Variants in CD163 observed in about 807,000 individuals in gnomAD.
CD163 encodes the protein CD163 molecule, also known as scavenger receptor cysteine-rich type 1 protein M130.
Under a neutral mutation model 129.2 loss-of-function variants are expected in CD163, and 64 were observed. The ratio of observed to expected loss-of-function variants is 0.50; its 90% CI spans 0.41 to 0.61. CD163 has a LOEUF of 0.61. Among genes scored for constraint, CD163 ranks in the 20% least tolerant of loss-of-function variants. CD163 has a pLI of 0.00. For missense variants in CD163, 1,061 were observed against 1,377.9 expected (o/e 0.77, Z 3.64); for synonymous variants, 446 against 478.5 (o/e 0.93, Z 0.89).
Position 7,486,791 on chromosome 12 carries a change from T to C in CD163, c.2166A>G (p.Val722=). 1 of 1,610,460 alleles carries C rather than the reference T, an allele frequency of 6.2e-7. No individual in the cohort carries two copies. Among genetic ancestry groups the C allele is most frequent in the Non-Finnish European group, 8.5e-7 (1 of 1,177,262 alleles). ...ACIESGQLRL[V]NGGGRCAGRV... ...TCCCAGCACAGCGACCTCCTCCATTTACCAGGCGAAGTTGACCACTCTCTG... is the reference window on the plus strand; with the variant it reads ...TCCCAGCACAGCGACCTCCTCCATTCACCAGGCGAAGTTGACCACTCTCTG... Residue 722 remains valine, a synonymous_variant, in exon 10 of 17, where the codon GTA becomes GTG. Transcript: ENST00000432237.
chr12:7,487,375 G>A lies in CD163; in HGVS notation c.2034C>T (p.Ala678=). 1 of 1,591,264 alleles carries A rather than the reference G, an allele frequency of 6.3e-7. No individual in the cohort carries two copies. Among genetic ancestry groups the A allele is most frequent in the Non-Finnish European group, 8.6e-7 (1 of 1,168,770 alleles). Reference sequence around the variant, plus strand: ...TCCTCTTACCTGAGCAGATTACAGAGGCCACTTGCTCTGAAGGACATAATG... The same window carrying A: ...TCCTCTTACCTGAGCAGATTACAGAAGCCACTTGCTCTGAAGGACATAATG... ...GASLCPSEQV[A]SVICSGNQSQ... The change falls in exon 8 of 17, where the codon GCC becomes GCT. Residue 678 remains alanine (A), a synonymous_variant. Transcript: ENST00000432237. This position sits in a 1 kb window ranked among gnomAD's most constrained non-coding sequence, Gnocchi z 5.1.
intron 16 of CD163, among the ~76,000 whole-genome samples, chr12:7,478,728 G>A (rs193224211): frequency 8.6e-5 from 13 of 151,524 alleles, no homozygotes; most frequent in South Asian, 4.2e-4. Flanking sequence ...TCTATATTTC[G>A]TATATACAAA....
Position 7,496,927 on chromosome 12 carries a change from A to G in CD163, c.985T>C (p.Trp329Arg). 6.2e-7 allele frequency: 1 copy of G among 1,614,156 alleles called. No homozygotes were observed. Among genetic ancestry groups the G allele is most frequent in the African/African-American group, 1.3e-5 (1 of 75,060 alleles). The change falls in exon 5 of 17, where the codon TGG (tryptophan) becomes CGG (arginine). Residue 329 changes from tryptophan to arginine, a missense_variant. By Grantham distance (101) the Trp-to-Arg change is moderately radical. Coordinates refer to ENST00000432237, the MANE Select transcript of CD163 (RefSeq NM_203416.4). The surrounding 1 kb of genome is among the most constrained non-coding windows in gnomAD (Gnocchi z 4.8). ...VNASKGFGHI[W>R]LDSVSCQGHE... ...CCCTGGCAAGAAACGCTGTCAAGCC[A>G]GATGTGTCCAAATCCCTTACTGGCG...
intron 4 of CD163, among the ~76,000 whole-genome samples, chr12:7,498,337 G>A (rs933273403): frequency 2.0e-5 from 3 of 152,024 alleles, no homozygotes; most frequent in East Asian, 1.9e-4. Flanking sequence ...AGTATACAAC[G>A]TGAAAGTCTC....
chr12:7,499,206 C>A lies in CD163; in HGVS notation c.458-18G>T. Reference sequence around the variant, plus strand: ...GGATCCATCTGGAGCAGAGAAAAGACCAGAGTTCAGAAGTTACATTCATTT... The same window carrying A: ...GGATCCATCTGGAGCAGAGAAAAGAACAGAGTTCAGAAGTTACATTCATTT... On this transcript the variant is annotated intron_variant, in intron 3 of 16. Transcript: ENST00000432237. 1 of 1,587,458 alleles carries A rather than the reference C, an allele frequency of 6.3e-7. No homozygotes were observed. The highest frequency in any genetic ancestry group is 1.1e-5 in the South Asian group (1 of 89,102).
intron 1 of CD163, 66 bp from the exon 2 acceptor site, chr12:7,502,630 G>T: frequency 1.2e-6 from 1 of 813,956 alleles, no homozygotes; most frequent in Non-Finnish European, 2.1e-6. Flanking sequence ...AAGATAGATG[G>T]TTTCAGAGGT....
chr12:7,473,384 C>T (rs1949034720), intron 16 of CD163, among the ~76,000 whole-genome samples: 2 of 152,142 alleles, frequency 1.3e-5, no homozygotes, highest in South Asian at 4.1e-4. Context: ...TTTCTCCAGA[C>T]ACCATACAAG....
chr12:7,494,025 C>T (rs1282007993), intron 6 of CD163, among the ~76,000 whole-genome samples: 3 of 152,048 alleles, frequency 2.0e-5, no homozygotes, highest in Non-Finnish European at 4.4e-5. Context: ...ACTTCAGGTA[C>T]AAAACAATTT....
Position 7,483,775 on chromosome 12 carries a change from AC to A in CD163, c.2780-101del, listed in dbSNP as rs1393138679. 2.2e-5 allele frequency: 11 copies of A among 503,130 alleles called. No individual in the cohort carries two copies. In the East Asian group the frequency reaches 3.7e-4, roughly 17 times the overall value. The allele number at this position is 503,130 out of a possible 1,614,324, so 31.2% of individuals were successfully genotyped here. On this transcript the variant is annotated intron_variant, in intron 11 of 16. Transcript: ENST00000432237. ...ATTTGAAACTTAAAAAAAAAAAAAA[AC>A]TATTTAAAATTTTACTGAATGTGCA...
In CD163 at chr12:7,485,134, A is replaced by C. The variant is rs2136704402; in HGVS notation, c.2741T>G (p.Leu914Arg). The change falls in exon 11 of 17, where the codon CTG (leucine) becomes CGG (arginine). Residue 914 changes from leucine to arginine, a missense_variant. Coordinates refer to ENST00000432237, the MANE Select transcript of CD163 (RefSeq NM_203416.4). The surrounding 1 kb of genome is among the most constrained non-coding windows in gnomAD (Gnocchi z 4.5). ...QCPSSPWEKR[L>R]ASPSEETWIT... ...CCAGGTCTCCTCCGAGGGGCTGGCC[A>C]GTCTCTTCTCCCATGGAGATGATGG... is the stretch of plus-strand genomic sequence containing the variant. 2 of 1,612,876 alleles carry C rather than the reference A, an allele frequency of 1.2e-6. 1 individual carries two copies. The highest frequency in any genetic ancestry group is 3.3e-4 in the Middle Eastern group (2 of 6,052).
Position 7,487,543 on chromosome 12 carries a change from C to A in CD163, c.1866G>T (p.Gln622His), listed in dbSNP as rs1949269588. ...WDIEDAHVLC[Q>H]QLKCGVALST... ...AAAGGGCAACTCCACATTTAAGCTG[C>A]TGGCAAAGAACATGGGCATCTTCTA... The change falls in exon 8 of 17, where the codon CAG becomes CAT. Residue 622 changes from glutamine (Q) to histidine (H), a missense_variant. Coordinates refer to ENST00000432237, the MANE Select transcript of CD163 (RefSeq NM_203416.4). This position sits in a 1 kb window ranked among gnomAD's most constrained non-coding sequence, Gnocchi z 5.1. 34 of 1,614,130 alleles carry A rather than the reference C, an allele frequency of 2.1e-5. No individual in the cohort carries two copies. Among genetic ancestry groups the A allele is most frequent in the Non-Finnish European group, 2.9e-5 (34 of 1,180,018 alleles).
intron 16 of CD163, among the ~76,000 whole-genome samples, chr12:7,472,209 C>T (rs1387216701): frequency 1.3e-5 from 2 of 152,210 alleles, no homozygotes; most frequent in Admixed American, 6.5e-5. Flanking sequence ...CCCAGCACAG[C>T]GCTCGAGCTC....
At chr12:7,495,002 A>G (rs968380126) in intron 6 of CD163, 79 bp downstream of exon 6, 10 of 1,072,126 alleles carry the variant, frequency 9.3e-6, no homozygotes, top group South Asian at 1.4e-5. Context: ...AGTCATAAGG[A>G]CCAATGTTTC....
Position 7,487,130 on chromosome 12 carries a change from G to A in CD163, c.2051-144C>T. 1 of 806,630 alleles carries A rather than the reference G, an allele frequency of 1.2e-6. No homozygotes were observed. Among genetic ancestry groups the A allele is most frequent in the Non-Finnish European group, 2.0e-6 (1 of 511,562 alleles). 50.0% of individuals were successfully genotyped at this position (806,630 alleles called of 1,614,324 possible). Reference sequence around the variant, plus strand: ...TCAACAAGTTTGAAATAAATCAGGTGCTTTGAGATGGGCTTGGCACATAGT... The same window carrying A: ...TCAACAAGTTTGAAATAAATCAGGTACTTTGAGATGGGCTTGGCACATAGT... On this transcript the variant is annotated intron_variant, in intron 8 of 16. Coordinates refer to ENST00000432237, the MANE Select transcript of CD163 (RefSeq NM_203416.4). The surrounding 1 kb of genome is among the most constrained non-coding windows in gnomAD (Gnocchi z 5.1).
rs1024248321 is a variant in CD163, at chr12:7,496,605, A to G, written c.1099+208T>C. ...CTCCATAAAAGCAGTCTGAGTAATT[A>G]TTACAGAGAATGCCGTCAGACAACC... On this transcript the variant is annotated intron_variant, in intron 5 of 16. Coordinates refer to ENST00000432237, the MANE Select transcript of CD163 (RefSeq NM_203416.4). The surrounding 1 kb of genome is among the most constrained non-coding windows in gnomAD (Gnocchi z 4.8). Among the ~76,000 whole-genome samples the G allele has an allele frequency of 6.6e-6, 1 of 152,246 alleles. No homozygotes were observed. Among genetic ancestry groups the G allele is most frequent in the African/African-American group, 2.4e-5 (1 of 41,470 alleles).
chr12:7,502,630 G>A, intron 1 of CD163, 66 bp from the exon 2 acceptor site: 1 of 813,956 alleles, frequency 1.2e-6, no homozygotes, highest in South Asian at 1.5e-5. Context: ...AAGATAGATG[G>A]TTTCAGAGGT....
chr12:7,479,986 A>G, intron 15 of CD163, 73 bp from the exon 16 acceptor site: 1 of 1,608,440 alleles, frequency 6.2e-7, no homozygotes, highest in South Asian at 1.1e-5. Context: ...CAGCTGACTC[A>G]TGGGAATTTT....
Position 7,495,184 on chromosome 12 carries a change from T to C in CD163, c.1317A>G (p.Leu439=). Residue 439 remains leucine, a synonymous_variant, in exon 6 of 17, where the codon CTA becomes CTG. Transcript: ENST00000432237. ...AAGTTTCATTTCCGTTACAGCTACT[T>C]AGAAACAGCCATGTGTTTGTTGCCT... ...KIQATNTWLF[L]SSCNGNETSL... The C allele has an allele frequency of 2.5e-6, 4 of 1,614,174 alleles. No individual in the cohort carries two copies. Among genetic ancestry groups the C allele is most frequent in the Non-Finnish European group, 3.4e-6 (4 of 1,180,006 alleles).
chr12:7,493,300 A>G (rs547428236), intron 6 of CD163, among the ~76,000 whole-genome samples: 60 of 152,322 alleles, frequency 3.9e-4, no homozygotes, highest in African/African-American at 1.3e-3. Flanking sequence ...ACTGGGGCCC[A>G]TGAAGGACAG....
Sources: gnomAD v4.1 joint callset for allele counts (sites outside exome capture counted in the v4.1 genomes callset) on GRCh38, gnomAD v4.1.1 for gene constraint, Gnocchi (gnomAD v3.1) non-coding constraint, MANE v1.5 for transcripts, NCBI Gene and HGNC (gene_info 2026-07-23, HGNC 2026-07-21) for gene names.